Variants in ITIH2 observed in about 807,000 individuals in gnomAD.
ITIH2 encodes the protein inter-alpha-trypsin inhibitor heavy chain H2.
A neutral mutation model predicts 104.4 loss-of-function variants in ITIH2; 103 were observed. The observed-to-expected ratio is 0.99, with a 90% CI of 0.84 to 1.16. The LOEUF is 1.16. Among genes scored for constraint, ITIH2 ranks in the 50% most tolerant of loss-of-function variants. The pLI, the probability that ITIH2 is intolerant of heterozygous loss-of-function variation, is 0.00. For missense variants in ITIH2, 1,108 were observed against 1,162.4 expected (o/e 0.95, Z 0.68); for synonymous variants, 436 against 435.4 (o/e 1.00, Z -0.02).
Position 7,737,581 on chromosome 10 carries a change from A to G in ITIH2, c.1958-1040A>G, listed in dbSNP as rs187583047. ...TATATAATATTATATATTAAATTCT[A>G]TATTCTATATTATATTCTATATTCT... On this transcript the variant is annotated intron_variant, in intron 15 of 20. Coordinates refer to ENST00000358415, the MANE Select transcript of ITIH2 (RefSeq NM_002216.3). Among the ~76,000 whole-genome samples, 1,105 of 125,400 alleles carry G rather than the reference A, an allele frequency of 8.8e-3. 14 individuals are homozygous for G. Among genetic ancestry groups the G allele is most frequent in the South Asian group, 0.027 (108 of 3,982 alleles). 82.3% of individuals were successfully genotyped at this position (125,400 alleles called of 152,430 possible).
chr10:7,743,998 GT>G, intron 17 of ITIH2, 83 bp from the exon 18 acceptor site: 1 of 995,516 alleles, frequency 1.0e-6, no homozygotes, highest in Non-Finnish European at 1.4e-6. Context: ...ATATTGCCAA[GT>G]TTTTATAAAT....
At chr10:7,707,918 C>T (rs1013451239) in intron 3 of ITIH2, among the ~76,000 whole-genome samples, 1 of 152,084 alleles carries the variant, frequency 6.6e-6, no homozygotes, top group Admixed American at 6.6e-5. Context: ...AAAGAGTGCC[C>T]GTGGAAAGGA....
chr10:7,745,625 TG>T (rs1315858824), intron 19 of ITIH2, among the ~76,000 whole-genome samples: 1 of 152,002 alleles, frequency 6.6e-6, no homozygotes, highest in Non-Finnish European at 1.5e-5. Flanking sequence ...GGAGCCTGCC[TG>T]GAGTCCCAGC....
chr10:7,710,363 G>A (rs1364903465), intron 4 of ITIH2, among the ~76,000 whole-genome samples: 1 of 152,170 alleles, frequency 6.6e-6, no homozygotes, highest in African/African-American at 2.4e-5. Flanking sequence ...TTATCCACTT[G>A]GAGCCTTCAT....
At chr10:7,725,575 G>T (rs1464506368) in intron 9 of ITIH2, among the ~76,000 whole-genome samples, 1 of 152,220 alleles carries the variant, frequency 6.6e-6, no homozygotes, top group African/African-American at 2.4e-5. Flanking sequence ...AAAGAGAAGT[G>T]AAAGATGCCC....
chr10:7,722,218 G>A (rs1184793215), intron 8 of ITIH2, among the ~76,000 whole-genome samples: 1 of 152,128 alleles, frequency 6.6e-6, no homozygotes, highest in Non-Finnish European at 1.5e-5. Context: ...TTCCCCTTCA[G>A]TCATGTCCCA....
intron 5 of ITIH2, among the ~76,000 whole-genome samples, chr10:7,716,259 G>A (rs1834848853): frequency 6.6e-6 from 1 of 152,150 alleles, no homozygotes; most frequent in Admixed American, 6.5e-5. Flanking sequence ...AGGATTACAG[G>A]CATGAGCCTC....
At chr10:7,718,526 A>AT (rs559290134) in intron 6 of ITIH2, among the ~76,000 whole-genome samples, 12 of 149,094 alleles carry the variant, frequency 8.0e-5, no homozygotes, top group South Asian at 6.4e-4. Context: ...TTTCTCAGTT[A>AT]TTTTTTTTTT....
intron 14 of ITIH2, among the ~76,000 whole-genome samples, chr10:7,733,675 G>A (rs777983589): frequency 2.0e-5 from 3 of 152,134 alleles, no homozygotes; most frequent in Non-Finnish European, 4.4e-5. Context: ...TCTCCAACAT[G>A]AAAACTATAT....
At chr10:7,748,395 A>C (rs1428719800) in intron 20 of ITIH2, among the ~76,000 whole-genome samples, 1 of 149,698 alleles carries the variant, frequency 6.7e-6, no homozygotes, top group African/African-American at 2.4e-5. Flanking sequence ...ACGCAGTGTG[A>C]ACGAGATCCT....
chr10:7,713,993 T>C (rs1397034727), intron 5 of ITIH2, among the ~76,000 whole-genome samples: 3 of 151,966 alleles, frequency 2.0e-5, no homozygotes, highest in Admixed American at 1.3e-4. Context: ...TGGGCTGCGA[T>C]AGGGTCTTCT....
At chr10:7,713,488 C>T (rs187490922) in intron 5 of ITIH2, 3 of 522,864 alleles carry the variant, frequency 5.7e-6, no homozygotes, top group South Asian at 5.9e-5. Context: ...TTTGGGTGAT[C>T]CCACGCTGGT....
Position 7,705,129 on chromosome 10 carries a change from G to A in ITIH2, c.106G>A (p.Val36Met). Residue 36 changes from valine to methionine, a missense_variant, in exon 2 of 21, where the codon GTG (valine) becomes ATG (methionine). By Grantham distance (21) the Val-to-Met change is conservative. Transcript: ENST00000358415. ...LSEFVDYEDL[V>M]ELAPGKFQLV... ...TAAGTTTGTAGACTATGAAGATCTT[G>A]TGGAACTGGCCCCAGGCAAATTTCA... 6.2e-7 allele frequency: 1 copy of A among 1,611,294 alleles called. No homozygotes were observed. Among genetic ancestry groups the A allele is most frequent in the Non-Finnish European group, 8.5e-7 (1 of 1,178,006 alleles).
intron 16 of ITIH2, among the ~76,000 whole-genome samples, chr10:7,741,569 G>A (rs955170207): frequency 6.6e-6 from 1 of 152,176 alleles, no homozygotes; most frequent in Non-Finnish European, 1.5e-5. Context: ...GAACCTGGAG[G>A]TGTGAACTGA....
intron 1 of ITIH2, among the ~76,000 whole-genome samples, 185 bp downstream of exon 1, chr10:7,703,703 G>A (rs974068942): frequency 6.6e-6 from 1 of 152,176 alleles, no homozygotes; most frequent in Non-Finnish European, 1.5e-5. Flanking sequence ...GCATTAACAG[G>A]TTTTGCATGA....
intron 6 of ITIH2, among the ~76,000 whole-genome samples, chr10:7,720,523 T>C (rs1415284154): frequency 6.6e-6 from 1 of 152,070 alleles, no homozygotes; most frequent in Non-Finnish European, 1.5e-5. Flanking sequence ...TATTTAACAA[T>C]GAGGGAAAAA....
At chr10:7,710,273 T>G (rs1834785184) in intron 4 of ITIH2, among the ~76,000 whole-genome samples, 3 of 152,228 alleles carry the variant, frequency 2.0e-5, no homozygotes, top group African/African-American at 7.2e-5. Context: ...TATTATTCCC[T>G]CTATTTTCTG....
At position 7,713,299 on chromosome 10, in the gene ITIH2, G is replaced by A. The variant is rs1834815277; in HGVS notation, c.467+14G>A. The stretch of plus-strand genomic sequence containing the variant: ...TGGCTTGGTGAGGTAAGGCCTGAGT[G>A]AGCAAGGCTTGCCCTTGCCTCTCAA... On this transcript the variant is annotated intron_variant, in intron 5 of 20. Coordinates refer to ENST00000358415, the MANE Select transcript of ITIH2 (RefSeq NM_002216.3). The A allele has an allele frequency of 6.3e-7, 1 of 1,592,974 alleles. No homozygotes were observed. The highest frequency in any genetic ancestry group is 1.1e-5 in the South Asian group (1 of 90,402).
intron 6 of ITIH2, 86 bp downstream of exon 6, chr10:7,717,874 C>T: frequency 7.4e-7 from 1 of 1,359,526 alleles, no homozygotes; most frequent in East Asian, 2.3e-5. Flanking sequence ...GTCACTAGCA[C>T]TTGTGGTGTT....
Sources: gnomAD v4.1 joint callset for allele counts (sites outside exome capture counted in the v4.1 genomes callset) on GRCh38, gnomAD v4.1.1 for gene constraint, MANE v1.5 for transcripts, NCBI Gene and HGNC (gene_info 2026-07-23, HGNC 2026-07-21) for gene names.